PTPRK: variants seen among roughly 807,000 people sequenced by gnomAD.
The protein encoded by PTPRK is protein tyrosine phosphatase receptor type K.
PTPRK carries 75 observed loss-of-function variants against 178.0 expected under a neutral mutation model. The observed-to-expected ratio is 0.42, with a 90% CI of 0.35 to 0.51. PTPRK has a LOEUF of 0.51. Ranked by LOEUF, PTPRK falls within the 20% of genes least tolerant of loss-of-function variation. The pLI is 0.02. For synonymous variants in PTPRK, 637 were observed against 620.6 expected (o/e 1.03, Z -0.39); for missense variants, 1,441 against 1,797.8 (o/e 0.80, Z 3.59).
chr6:128,024,707 G>A (rs1243274588), intron 13 of PTPRK, among the ~76,000 whole-genome samples: 1 of 152,130 alleles, frequency 6.6e-6, no homozygotes, highest in Non-Finnish European at 1.5e-5. Flanking sequence ...CTACCTGGGA[G>A]GCTGAGACAG....
At chr6:128,288,074 T>C (rs1189617871) in intron 3 of PTPRK, among the ~76,000 whole-genome samples, 1 of 152,178 alleles carries the variant, frequency 6.6e-6, no homozygotes. Context: ...TGAAGCAGAC[T>C]GTATAATTAA....
At position 128,140,606 on chromosome 6, in the gene PTPRK, T is replaced by A. The variant is rs571825827; in HGVS notation, c.1162+43826A>T. ...AATTTTTTTTCAAGAAAGAGTGAATTATTTGAACTACTGGATTTATGCTCA... is the reference window on the plus strand; with the variant it reads ...AATTTTTTTTCAAGAAAGAGTGAATAATTTGAACTACTGGATTTATGCTCA... On this transcript the variant is annotated intron_variant, in intron 7 of 29. Transcript: ENST00000368226. 3.6e-4 allele frequency among the ~76,000 whole-genome samples: 55 copies of A among 152,014 alleles called. No individual in the cohort carries two copies. The East Asian group carries it at 0.01, about 28-fold the overall frequency.
chr6:128,101,308 A>G (rs1788734528), intron 7 of PTPRK, among the ~76,000 whole-genome samples: 1 of 152,068 alleles, frequency 6.6e-6, no homozygotes, highest in Non-Finnish European at 1.5e-5. Flanking sequence ...CTGGATGCTA[A>G]TATAATGTTT....
intron 3 of PTPRK, among the ~76,000 whole-genome samples, chr6:128,319,139 G>A (rs79968206): frequency 0.079 from 12,034 of 152,172 alleles, 556 homozygotes; most frequent in African/African-American, 0.12. Context: ...CAGTACAGTG[G>A]AAAGCATCTA....
chr6:128,102,349 A>T (rs1188044931), intron 7 of PTPRK, among the ~76,000 whole-genome samples: 1 of 152,224 alleles, frequency 6.6e-6, no homozygotes, highest in African/African-American at 2.4e-5. Flanking sequence ...ACAGGCAGGT[A>T]AATTTATTTT....
At chr6:127,990,990 T>TA in intron 20 of PTPRK, 105 bp from the exon 21 acceptor site, 1 of 714,854 alleles carries the variant, frequency 1.4e-6, no homozygotes, top group Non-Finnish European at 2.3e-6. Context: ...AAACTCAGTT[T>TA]AAAAATCTAT....
At chr6:128,076,165 A>G (rs949692208) in intron 11 of PTPRK, among the ~76,000 whole-genome samples, 1 of 152,022 alleles carries the variant, frequency 6.6e-6, no homozygotes, top group Non-Finnish European at 1.5e-5. Context: ...TGGGAATCCA[A>G]TCAAAGATTT....
At chr6:128,050,921 T>C (rs1286284925) in intron 13 of PTPRK, among the ~76,000 whole-genome samples, 1 of 152,216 alleles carries the variant, frequency 6.6e-6, no homozygotes, top group Non-Finnish European at 1.5e-5. Context: ...ATGCTAATTG[T>C]TCTTAGATTT....
In PTPRK at chr6:127,983,380, G is replaced by A; in HGVS notation, c.3252-3C>T. The A allele has an allele frequency of 6.2e-7, 1 of 1,610,588 alleles. No individual in the cohort carries two copies. Among genetic ancestry groups the A allele is most frequent in the South Asian group, 1.1e-5 (1 of 90,512 alleles). On this transcript the variant is annotated splice_polypyrimidine_tract_variant and splice_region_variant and intron_variant, in intron 22 of 29. Coordinates refer to ENST00000368226, the MANE Select transcript of PTPRK (RefSeq NM_002844.4). ...AGCCAGTTCGTCCAGCACCAGCACT[G>A]AAAAACAATTAAATTTAATGAATTG...
At chr6:128,101,463 A>T (rs1788764062) in intron 7 of PTPRK, among the ~76,000 whole-genome samples, 1 of 152,038 alleles carries the variant, frequency 6.6e-6, no homozygotes, top group Non-Finnish European at 1.5e-5. Flanking sequence ...TACCACATCT[A>T]CTTAATACAT....
chr6:128,090,797 A>G (rs774808266), intron 7 of PTPRK, among the ~76,000 whole-genome samples: 55 of 152,284 alleles, frequency 3.6e-4, no homozygotes, highest in Non-Finnish European at 6.8e-4. Context: ...TAACTACTCT[A>G]TGAAACTCAT....
intron 7 of PTPRK, among the ~76,000 whole-genome samples, chr6:128,106,887 T>C (rs747661631): frequency 5.6e-4 from 86 of 152,248 alleles, no homozygotes; most frequent in East Asian, 7.7e-4. Context: ...TTTAATTCTT[T>C]CTTGGAATAT....
chr6:128,120,597 G>A (rs1000263395), intron 7 of PTPRK, among the ~76,000 whole-genome samples: 2 of 151,890 alleles, frequency 1.3e-5, no homozygotes, highest in Non-Finnish European at 2.9e-5. Context: ...ATTGCTTATG[G>A]AAAAATTTCT....
At chr6:128,201,883 A>G (rs1158018781) in intron 6 of PTPRK, among the ~76,000 whole-genome samples, 1 of 152,172 alleles carries the variant, frequency 6.6e-6, no homozygotes, top group South Asian at 2.1e-4. Flanking sequence ...AGTAAGAATC[A>G]TTGAAATTTA....
chr6:128,483,539 T>G (rs964134135), intron 1 of PTPRK, among the ~76,000 whole-genome samples: 1 of 152,168 alleles, frequency 6.6e-6, no homozygotes, highest in Admixed American at 6.6e-5. Flanking sequence ...TGACTCTCTT[T>G]CTGGGTAACT....
At chr6:128,060,127 A>T (rs1365206993) in intron 13 of PTPRK, among the ~76,000 whole-genome samples, 1 of 152,188 alleles carries the variant, frequency 6.6e-6, no homozygotes, top group Non-Finnish European at 1.5e-5. Flanking sequence ...GACACAGGGT[A>T]TTCCAGATAT....
intron 13 of PTPRK, chr6:128,062,534 T>C (rs1030277442): frequency 6.0e-6 from 1 of 166,972 alleles, no homozygotes; most frequent in African/African-American, 2.4e-5. Flanking sequence ...ATCACGAAAA[T>C]TTAGATTTGT....
intron 7 of PTPRK, among the ~76,000 whole-genome samples, chr6:128,181,392 C>T (rs1801881423): frequency 6.6e-6 from 1 of 151,970 alleles, no homozygotes; most frequent in Non-Finnish European, 1.5e-5. Flanking sequence ...AAAATAGCTA[C>T]TTTAAAATTA....
chr6:128,422,419 G>A (rs181811517), intron 1 of PTPRK, among the ~76,000 whole-genome samples: 2 of 152,206 alleles, frequency 1.3e-5, no homozygotes, highest in East Asian at 1.9e-4. Context: ...TATCATTGGG[G>A]TCTGTGTCAC....
Sources: allele counts gnomAD v4.1 joint callset (sites outside exome capture counted in the v4.1 genomes callset), GRCh38; gene constraint gnomAD v4.1.1; transcripts MANE v1.5; gene names NCBI Gene and HGNC (gene_info 2026-07-23, HGNC 2026-07-21).